The following POLR2B variants were observed in gnomAD, a reference collection of about 807,000 sequenced individuals.
POLR2B encodes DNA-directed RNA polymerase II subunit RPB2.
In POLR2B, 57 loss-of-function variants were observed where a neutral mutation model predicts 144.6. The ratio of observed to expected loss-of-function variants is 0.39; its 90% CI spans 0.32 to 0.49. The LOEUF (loss-of-function observed/expected upper bound fraction) is 0.49. Among genes scored for constraint, POLR2B ranks in the 20% least tolerant of loss-of-function variants. The probability of loss-of-function intolerance (pLI) is 0.83; values close to 1 mark genes in which losing one functional copy is unlikely to be tolerated. For synonymous variants in POLR2B, 442 were observed against 469.8 expected (o/e 0.94, Z 0.77); for missense variants, 595 against 1,467.4 (o/e 0.41, Z 9.71).
chr4:57,009,066 G>C (rs1374222884), intron 10 of POLR2B, among the ~76,000 whole-genome samples: 1 of 152,196 alleles, frequency 6.6e-6, no homozygotes, highest in Non-Finnish European at 1.5e-5. Context: ...ACAGCCTGGG[G>C]TGAGAAGTAA....
chr4:57,021,120 G>T, intron 17 of POLR2B, 125 bp downstream of exon 17: 1 of 659,596 alleles, frequency 1.5e-6, no homozygotes, highest in South Asian at 1.7e-5. Context: ...CTGGTTGATG[G>T]TCACAAACAG....
At chr4:56,988,524 AAAG>A (rs1453430045) in intron 2 of POLR2B, among the ~76,000 whole-genome samples, 2 of 152,104 alleles carry the variant, frequency 1.3e-5, no homozygotes, top group Non-Finnish European at 2.9e-5. Context: ...AGAAAGAAAA[AAAG>A]AGAAATCTGG....
At position 57,006,004 on chromosome 4, in the gene POLR2B, A is replaced by T. The variant is rs76300129; in HGVS notation, c.1217+285A>T. Among the ~76,000 whole-genome samples, 342 of 152,302 alleles carry T rather than the reference A, an allele frequency of 2.2e-3. 3 individuals carry two copies. The highest frequency in any genetic ancestry group is 7.7e-3 in the African/African-American group (321 of 41,564). ...ATTGCCTTGGTTTTCCTAAGGGCTA[A>T]TATTGGATTTTGTCCTGCTTTGTAC... On this transcript the variant is annotated intron_variant, in intron 9 of 24. Coordinates refer to ENST00000314595, the MANE Select transcript of POLR2B (RefSeq NM_000938.3).
intron 2 of POLR2B, among the ~76,000 whole-genome samples, chr4:56,989,783 G>C (rs1169572365): frequency 2.0e-5 from 3 of 152,194 alleles, no homozygotes; most frequent in Non-Finnish European, 4.4e-5. Context: ...TCCAGCCTCT[G>C]TGATGCCCAG....
In POLR2B at chr4:56,990,749, T is replaced by C; in HGVS notation, c.94T>C (p.Ser32Pro). ...GACTGAACTCAAATATTTTCCCAGT[T>C]CCTATTTTGACGAGAAAGGCTTGGT... ...WQEACWIVIS[S>P]YFDEKGLVRQ... The change falls in exon 3 of 25, where the codon TCC (serine) becomes CCC (proline). Residue 32 changes from serine to proline, a missense_variant and splice_region_variant. Transcript: ENST00000314595. The C allele has an allele frequency of 6.2e-7, 1 of 1,602,660 alleles. No homozygotes were observed. Among genetic ancestry groups the C allele is most frequent in the Non-Finnish European group, 8.5e-7 (1 of 1,175,882 alleles).
intron 1 of POLR2B, among the ~76,000 whole-genome samples, chr4:56,980,348 T>G (rs1284160076): frequency 2.0e-5 from 3 of 152,106 alleles, no homozygotes. Flanking sequence ...GAAGAAAAAT[T>G]CGAAAAAAAA....
chr4:56,986,148 T>C, intron 1 of POLR2B: 1 of 559,028 alleles, frequency 1.8e-6, no homozygotes, highest in East Asian at 3.3e-5. Context: ...ACCTTTCTAA[T>C]AAACCTCTTT....
At chr4:56,984,510 A>G (rs1722257985) in intron 1 of POLR2B, among the ~76,000 whole-genome samples, 1 of 152,266 alleles carries the variant, frequency 6.6e-6, no homozygotes, top group Non-Finnish European at 1.5e-5. Flanking sequence ...ATTGTGATCT[A>G]TAGATATCTC....
intron 13 of POLR2B, among the ~76,000 whole-genome samples, chr4:57,012,281 T>C (rs879371648): frequency 1.3e-5 from 2 of 152,228 alleles, no homozygotes; most frequent in Middle Eastern, 3.4e-3. Flanking sequence ...AGCATGTGCC[T>C]GTAGTCCCAG....
intron 24 of POLR2B, 88 bp from the exon 25 acceptor site, chr4:57,030,811 A>C: frequency 1.3e-6 from 1 of 756,098 alleles, no homozygotes; most frequent in Non-Finnish European, 2.4e-6. Flanking sequence ...CATTATCTAC[A>C]GTACCAGATC....
intron 6 of POLR2B, among the ~76,000 whole-genome samples, chr4:56,997,197 A>T (rs1240955332): frequency 1.3e-5 from 2 of 152,166 alleles, no homozygotes; most frequent in African/African-American, 4.8e-5. Context: ...CCTATTACAT[A>T]TAACAGTTTT....
intron 14 of POLR2B, among the ~76,000 whole-genome samples, chr4:57,016,220 A>G (rs1056007793): frequency 1.3e-5 from 2 of 152,178 alleles, no homozygotes; most frequent in African/African-American, 4.8e-5. Flanking sequence ...ATTATGAAGC[A>G]AGATAATTAA....
intron 13 of POLR2B, among the ~76,000 whole-genome samples, chr4:57,013,765 T>C (rs1723276145): frequency 6.6e-6 from 1 of 151,998 alleles, no homozygotes; most frequent in African/African-American, 2.4e-5. Context: ...GAACCAATCG[T>C]AGATAATACA....
At position 57,016,266 on chromosome 4, in the gene POLR2B, C is replaced by T. The variant is rs75304416; in HGVS notation, c.1955+610C>T. Among the ~76,000 whole-genome samples, 6 of 151,988 alleles carry T rather than the reference C, an allele frequency of 3.9e-5. No homozygotes were observed. The East Asian group carries it at 9.7e-4, about 25-fold the overall frequency. On this transcript the variant is annotated intron_variant, in intron 14 of 24. Transcript: ENST00000314595. ...TTTAAGCTTAAAAGTCTTTTGATTG[C>T]CCAGGTGTAGTGGCTCATGCCTGTA... is the stretch of plus-strand genomic sequence containing the variant.
At chr4:57,013,965 AGAG>A (rs1189505276) in intron 13 of POLR2B, among the ~76,000 whole-genome samples, 1 of 149,966 alleles carries the variant, frequency 6.7e-6, no homozygotes, top group East Asian at 2.0e-4. Flanking sequence ...AAAAAAAAAA[AGAG>A]AAAAAGACCC....
intron 23 of POLR2B, 80 bp from the exon 24 acceptor site, chr4:57,030,124 A>G: frequency 1.8e-6 from 2 of 1,127,738 alleles, no homozygotes; most frequent in South Asian, 2.7e-5. Flanking sequence ...TGCAAATATT[A>G]TTCTCCACCT....
chr4:57,005,326 G>A lies in POLR2B; in HGVS notation c.981G>A (p.Lys327=). The part of the protein sequence containing the change: ...ALNFIGSRGA[K]PGVTKEKRIK... ...ATTTCATTGGTTCAAGAGGAGCAAAGCCTGGTGTTACTAAAGAGAAAAGAA... is the reference window on the plus strand; with the variant it reads ...ATTTCATTGGTTCAAGAGGAGCAAAACCTGGTGTTACTAAAGAGAAAAGAA... Residue 327 remains lysine (K), a synonymous_variant, in exon 8 of 25, where the codon AAG becomes AAA. Transcript: ENST00000314595. The A allele has an allele frequency of 6.2e-7, 1 of 1,609,176 alleles. No homozygotes were observed. The highest frequency in any genetic ancestry group is 2.2e-5 in the East Asian group (1 of 44,732).
chr4:57,000,706 T>TGG (rs71657246), intron 7 of POLR2B, among the ~76,000 whole-genome samples: 1 of 151,734 alleles, frequency 6.6e-6, no homozygotes, highest in African/African-American at 2.4e-5. Flanking sequence ...CTGTTTTTTT[T>TGG]GGGGGGGAGG....
intron 24 of POLR2B, 106 bp downstream of exon 24, chr4:57,030,505 T>C: frequency 1.4e-6 from 1 of 729,462 alleles, no homozygotes; most frequent in Non-Finnish European, 2.2e-6. Flanking sequence ...ATTTTCACAA[T>C]TTTGATAGCA....
Sources: gnomAD v4.1 joint callset for allele counts (sites outside exome capture counted in the v4.1 genomes callset) on GRCh38, gnomAD v4.1.1 for gene constraint, MANE v1.5 for transcripts, NCBI Gene and HGNC (gene_info 2026-07-23, HGNC 2026-07-21) for gene names.